SGK1: variants seen among roughly 807,000 people sequenced by gnomAD.
The protein encoded by SGK1 is serine/threonine-protein kinase Sgk1.
SGK1 carries 26 observed loss-of-function variants against 64.2 expected under a neutral mutation model. That is an observed-to-expected ratio of 0.40 (90% CI 0.30 to 0.56). SGK1 has a LOEUF of 0.56. SGK1 is among the 20% of genes least tolerant of loss of function. The probability of loss-of-function intolerance (pLI) is 0.38; values close to 1 mark genes in which losing one functional copy is unlikely to be tolerated. For synonymous variants in SGK1, 265 were observed against 239.7 expected (o/e 1.11, Z -0.98); for missense variants, 519 against 645.6 (o/e 0.80, Z 2.12).
intron 3 of SGK1, among the ~76,000 whole-genome samples, chr6:134,196,973 C>A (rs1775603224): frequency 1.3e-5 from 2 of 152,156 alleles, no homozygotes; most frequent in Admixed American, 1.3e-4. Context: ...TGACTCACGC[C>A]TATAATCCCA....
intron 3 of SGK1, among the ~76,000 whole-genome samples, chr6:134,175,093 T>C (rs1254818735): frequency 6.6e-6 from 1 of 151,918 alleles, no homozygotes; most frequent in Non-Finnish European, 1.5e-5. Context: ...CGCAGGGCCG[T>C]TATCAGTCTC....
Position 134,172,729 on chromosome 6 carries a change from C to A in SGK1, c.880G>T (p.Ala294Ser). The A allele has an allele frequency of 1.2e-6, 2 of 1,614,100 alleles. No homozygotes were observed. Among genetic ancestry groups the A allele is most frequent in the Admixed American group, 1.7e-5 (1 of 60,024 alleles). Residue 294 changes from alanine (A) to serine (S), a missense_variant, in exon 9 of 14, where the codon GCT becomes TCT. Ala to Ser is a moderately conservative substitution (Grantham distance 99). Coordinates refer to ENST00000367858, the MANE Select transcript of SGK1 (RefSeq NM_001143676.3). Reference sequence around the variant, plus strand: ...GCTATTTCAGCAGCATAGAAACGAGCCCGTGGTTCCAGGAAGCAGCGTTCC... The same window carrying A: ...GCTATTTCAGCAGCATAGAAACGAGACCGTGGTTCCAGGAAGCAGCGTTCC... ...QRERCFLEPR[A>S]RFYAAEIASA...
At chr6:134,265,375 G>A (rs1776833637) in intron 1 of SGK1, among the ~76,000 whole-genome samples, 4 of 151,808 alleles carry the variant, frequency 2.6e-5, no homozygotes, top group South Asian at 2.1e-4. Context: ...CAGGAGAATC[G>A]CTTGACCCCT....
chr6:134,226,615 G>A (rs1189020983), intron 2 of SGK1, among the ~76,000 whole-genome samples: 1 of 151,646 alleles, frequency 6.6e-6, no homozygotes, highest in Non-Finnish European at 1.5e-5. Context: ...GATCGCCTAA[G>A]CCTCGGAAGT....
intron 1 of SGK1, among the ~76,000 whole-genome samples, chr6:134,306,422 C>CA (rs879935402): frequency 1.1e-4 from 17 of 148,288 alleles, no homozygotes; most frequent in Non-Finnish European, 1.5e-4. Flanking sequence ...GACTCCGTTT[C>CA]AAAAAAAAAG....
At position 134,198,456 on chromosome 6, in the gene SGK1, T is replaced by C. The variant is rs149698302; in HGVS notation, c.361+8900A>G. Among the ~76,000 whole-genome samples the C allele has an allele frequency of 8.9e-4, 135 of 152,296 alleles. 2 individuals carry two copies. The highest frequency in any genetic ancestry group is 3.1e-3 in the African/African-American group (129 of 41,580). Reference sequence around the variant, plus strand: ...CAAGCAATTGTTTTCTAGCTATAAATATGAGTATTTTGCTTTTCAAGAGAA... The same window carrying C: ...CAAGCAATTGTTTTCTAGCTATAAACATGAGTATTTTGCTTTTCAAGAGAA... On this transcript the variant is annotated intron_variant, in intron 3 of 13. Transcript: ENST00000367858.
chr6:134,227,958 T>C (rs1198553314), intron 2 of SGK1, among the ~76,000 whole-genome samples: 1 of 138,926 alleles, frequency 7.2e-6, no homozygotes, highest in African/African-American at 2.7e-5. Flanking sequence ...TTTTTTTTTT[T>C]TTTTTTTTTT....
chr6:134,241,968 AGAGG>A (rs1282687045), intron 2 of SGK1, among the ~76,000 whole-genome samples: 13 of 152,054 alleles, frequency 8.5e-5, no homozygotes, highest in African/African-American at 1.2e-4. Flanking sequence ...ATGGGAGGGC[AGAGG>A]GAGGATTTTG....
At chr6:134,195,876 A>C (rs1412584823) in intron 3 of SGK1, among the ~76,000 whole-genome samples, 1 of 152,208 alleles carries the variant, frequency 6.6e-6, no homozygotes, top group African/African-American at 2.4e-5. Context: ...GGGGTCCAGT[A>C]ATGTATAAAA....
chr6:134,255,869 G>A (rs138502616), intron 2 of SGK1, among the ~76,000 whole-genome samples: 1 of 152,230 alleles, frequency 6.6e-6, no homozygotes, highest in East Asian at 1.9e-4. Flanking sequence ...ACAGGCGTGA[G>A]CCACTGTGCC....
At chr6:134,248,314 A>G (rs976931958) in intron 2 of SGK1, among the ~76,000 whole-genome samples, 1 of 152,204 alleles carries the variant, frequency 6.6e-6, no homozygotes, top group African/African-American at 2.4e-5. Context: ...GTACAAATCC[A>G]GTCTTTAATG....
intron 1 of SGK1, among the ~76,000 whole-genome samples, chr6:134,303,385 C>CT (rs1169015510): frequency 2.0e-5 from 3 of 151,772 alleles, no homozygotes; most frequent in African/African-American, 7.3e-5. Context: ...GAGCAAGACT[C>CT]TGTCTCAAAA....
chr6:134,308,881 C>A (rs1215193393), intron 1 of SGK1, among the ~76,000 whole-genome samples: 2 of 152,102 alleles, frequency 1.3e-5, no homozygotes, highest in African/African-American at 4.8e-5. Context: ...TCACTTCATG[C>A]TTTTCTCTTT....
At chr6:134,171,825 G>A in intron 10 of SGK1, 93 bp from the exon 11 acceptor site, 1 of 797,130 alleles carries the variant, frequency 1.3e-6, no homozygotes, top group Non-Finnish European at 2.1e-6. Context: ...GAGAGACCCA[G>A]AGCCAGCTTG....
At chr6:134,297,452 G>A in intron 1 of SGK1, 2 of 662,456 alleles carry the variant, frequency 3.0e-6, no homozygotes, top group South Asian at 2.7e-5. Context: ...TCTGGCCTTT[G>A]AGACCCTCAG....
chr6:134,277,963 T>A (rs1471902367), intron 1 of SGK1, among the ~76,000 whole-genome samples: 1 of 152,212 alleles, frequency 6.6e-6, no homozygotes, highest in Admixed American at 6.5e-5. Context: ...ATTAAGAGAA[T>A]TGGATTCCAG....
chr6:134,227,960 T>C (rs1184004985), intron 2 of SGK1, among the ~76,000 whole-genome samples: 1 of 140,024 alleles, frequency 7.1e-6, no homozygotes, highest in Non-Finnish European at 1.5e-5. Context: ...TTTTTTTTTT[T>C]TTTTTTTTTG....
chr6:134,197,195 C>T (rs1406465095), intron 3 of SGK1, among the ~76,000 whole-genome samples: 2 of 152,000 alleles, frequency 1.3e-5, no homozygotes, highest in African/African-American at 2.4e-5. Flanking sequence ...ATCGCACTAC[C>T]GCACTCCAGC....
rs551167550 is a variant in SGK1 at position 134,203,302 on chromosome 6, G to A, written c.361+4054C>T. Among the ~76,000 whole-genome samples, 4 of 152,276 alleles carry A rather than the reference G, an allele frequency of 2.6e-5. No individual in the cohort carries two copies. The South Asian group carries it at 8.3e-4, about 32-fold the overall frequency. On this transcript the variant is annotated intron_variant, in intron 3 of 13. Transcript: ENST00000367858. ...TAATCTTCAGAGCACCACTGAAAATGTGATGCAAAGAGGATAACTAGAAAG... is the reference window on the plus strand; with the variant it reads ...TAATCTTCAGAGCACCACTGAAAATATGATGCAAAGAGGATAACTAGAAAG...
Sources: gnomAD v4.1 joint callset for allele counts (sites outside exome capture counted in the v4.1 genomes callset) on GRCh38, gnomAD v4.1.1 for gene constraint, MANE v1.5 for transcripts, NCBI Gene and HGNC (gene_info 2026-07-23, HGNC 2026-07-21) for gene names.